The following PTPRT variants were observed in gnomAD, a reference collection of about 807,000 sequenced individuals.
PTPRT encodes protein tyrosine phosphatase receptor type T, also known as receptor-type tyrosine-protein phosphatase T.
Under a neutral mutation model 176.8 loss-of-function variants are expected in PTPRT, and 56 were observed. That is an observed-to-expected ratio of 0.32 (90% CI 0.26 to 0.40). PTPRT has a LOEUF of 0.40. Among genes scored for constraint, PTPRT ranks in the 10% least tolerant of loss-of-function variants. The probability of loss-of-function intolerance (pLI) is 1.00; values close to 1 mark genes in which losing one functional copy is unlikely to be tolerated. For synonymous variants in PTPRT, 783 were observed against 739.0 expected, an observed-to-expected ratio of 1.06 and a Z score of -0.96; for missense variants, 1,540 against 1,908.2, an observed-to-expected ratio of 0.81 and a Z score of 3.60.
intron 1 of PTPRT, among the ~76,000 whole-genome samples, chr20:43,171,355 G>T (rs58348116): frequency 6.6e-6 from 1 of 152,038 alleles, no homozygotes; most frequent in Non-Finnish European, 1.5e-5. Flanking sequence ...TAGGAATTGC[G>T]CTAGGCATGG....
intron 2 of PTPRT, among the ~76,000 whole-genome samples, chr20:42,864,739 G>T (rs914228269): frequency 6.6e-6 from 1 of 152,108 alleles, no homozygotes. Flanking sequence ...GAGAATCAAA[G>T]ACCAAGGTTA....
chr20:42,779,811 A>G (rs1456353208), intron 4 of PTPRT, among the ~76,000 whole-genome samples: 1 of 151,590 alleles, frequency 6.6e-6, no homozygotes, highest in African/African-American at 2.4e-5. Context: ...CTGTGAGGGA[A>G]CAGTGTGCTA....
intron 1 of PTPRT, among the ~76,000 whole-genome samples, chr20:42,936,609 A>G (rs1181041994): frequency 1.3e-5 from 2 of 152,326 alleles, no homozygotes; most frequent in African/African-American, 4.8e-5. Context: ...CAGTGGGGTG[A>G]CAAGGGCAAA....
At chr20:42,187,476 C>A (rs1041254209) in intron 16 of PTPRT, among the ~76,000 whole-genome samples, 1 of 152,302 alleles carries the variant, frequency 6.6e-6, no homozygotes, top group Non-Finnish European at 1.5e-5. Context: ...TGGTGATGCA[C>A]TGAGCATAGG....
chr20:42,093,604 C>A (rs982977395), intron 27 of PTPRT, among the ~76,000 whole-genome samples: 1 of 152,194 alleles, frequency 6.6e-6, no homozygotes, highest in Non-Finnish European at 1.5e-5. Flanking sequence ...TTACAGGTAG[C>A]CCTGCCCAAT....
At chr20:42,153,524 C>A (rs1282484838) in intron 17 of PTPRT, among the ~76,000 whole-genome samples, 1 of 152,108 alleles carries the variant, frequency 6.6e-6, no homozygotes, top group Non-Finnish European at 1.5e-5. Context: ...ACACAAAAAA[C>A]CCACCATGTG....
intron 15 of PTPRT, among the ~76,000 whole-genome samples, chr20:42,232,273 C>A (rs776912868): frequency 7.2e-5 from 11 of 152,182 alleles, no homozygotes; most frequent in Non-Finnish European, 1.2e-4. Flanking sequence ...TTAAAAGGAC[C>A]AGGTGGCCCC....
At chr20:42,598,880 A>G (rs2073724335) in intron 7 of PTPRT, among the ~76,000 whole-genome samples, 1 of 152,182 alleles carries the variant, frequency 6.6e-6, no homozygotes. Context: ...CTGCACCTCC[A>G]GTGCCTGTCA....
intron 2 of PTPRT, among the ~76,000 whole-genome samples, chr20:42,817,138 C>A (rs1407830585): frequency 6.6e-6 from 1 of 152,140 alleles, no homozygotes; most frequent in African/African-American, 2.4e-5. Flanking sequence ...AAGGGCAATT[C>A]CTCATTTTTC....
chr20:42,811,339 T>C (rs1255346717), intron 2 of PTPRT, among the ~76,000 whole-genome samples: 1 of 152,018 alleles, frequency 6.6e-6, no homozygotes, highest in Non-Finnish European at 1.5e-5. Flanking sequence ...GAAGAATAGG[T>C]GGAAATAAAT....
intron 1 of PTPRT, among the ~76,000 whole-genome samples, chr20:42,929,416 A>G (rs1282621643): frequency 6.6e-6 from 1 of 152,272 alleles, no homozygotes; most frequent in Non-Finnish European, 1.5e-5. Flanking sequence ...TTGCATTTAA[A>G]GGACAGAGGT....
At chr20:42,494,761 TATA>T (rs11468588) in intron 7 of PTPRT, among the ~76,000 whole-genome samples, 15,105 of 152,094 alleles carry the variant, frequency 0.099, 1,540 homozygotes, top group African/African-American at 0.27. Context: ...ATAGCTGGCA[TATA>T]ATAAGTAGTC....
intron 6 of PTPRT, among the ~76,000 whole-genome samples, chr20:42,741,362 G>C (rs1402332728): frequency 6.6e-6 from 1 of 151,816 alleles, no homozygotes. Flanking sequence ...TCTTTTTTTT[G>C]AGATGGAGTC....
intron 12 of PTPRT, among the ~76,000 whole-genome samples, chr20:42,303,762 C>A (rs143036595): frequency 6.6e-6 from 1 of 152,126 alleles, no homozygotes; most frequent in Admixed American, 6.6e-5. Flanking sequence ...TCCAGAACTA[C>A]GATGGTGGCA....
chr20:42,313,524 T>G (rs1311454508), intron 12 of PTPRT, among the ~76,000 whole-genome samples: 1 of 152,174 alleles, frequency 6.6e-6, no homozygotes, highest in African/African-American at 2.4e-5. Context: ...CCGGGTTCTA[T>G]AGCCATGCTC....
intron 2 of PTPRT, among the ~76,000 whole-genome samples, chr20:42,806,621 G>A (rs997703684): frequency 1.2e-4 from 19 of 152,066 alleles, no homozygotes; most frequent in African/African-American, 4.6e-4. Flanking sequence ...TTTAGGCTTA[G>A]CAGGCCGAAA....
chr20:43,136,594 T>C (rs900968454), intron 1 of PTPRT, among the ~76,000 whole-genome samples: 1 of 152,118 alleles, frequency 6.6e-6, no homozygotes, highest in Non-Finnish European at 1.5e-5. Context: ...CACAGACCTA[T>C]CTACCCCCAT....
intron 6 of PTPRT, among the ~76,000 whole-genome samples, chr20:42,736,928 T>A (rs552071700): frequency 6.6e-6 from 1 of 152,304 alleles, no homozygotes; most frequent in African/African-American, 2.4e-5. Context: ...GGTGCAGACC[T>A]CTGTATGGGC....
chr20:42,216,727 C>T (rs1284760302), intron 15 of PTPRT, among the ~76,000 whole-genome samples: 2 of 152,152 alleles, frequency 1.3e-5, no homozygotes, highest in Admixed American at 6.5e-5. Flanking sequence ...ATTTGAGCTT[C>T]CCCGTGTCTA....
Sources: allele counts gnomAD v4.1 joint callset (sites outside exome capture counted in the v4.1 genomes callset), GRCh38; gene constraint gnomAD v4.1.1; transcripts MANE v1.5; gene names NCBI Gene and HGNC (gene_info 2026-07-23, HGNC 2026-07-21).